MNAT1: variants seen among roughly 807,000 people sequenced by gnomAD.
MNAT1 encodes the protein CDK-activating kinase assembly factor MAT1.
Under a neutral mutation model 42.0 loss-of-function variants are expected in MNAT1, and 43 were observed. The ratio of observed to expected loss-of-function variants is 1.02; its 90% CI spans 0.80 to 1.32. The LOEUF is 1.32. MNAT1 is among the 40% of genes most tolerant of loss of function. The pLI is 0.00. For missense variants in MNAT1, 306 were observed against 350.4 expected (o/e 0.87, Z 1.01); for synonymous variants, 118 against 120.0 (o/e 0.98, Z 0.11).
chr14:60,858,401 T>C (rs1452127338), intron 6 of MNAT1, among the ~76,000 whole-genome samples: 1 of 151,900 alleles, frequency 6.6e-6, no homozygotes, highest in Non-Finnish European at 1.5e-5. Context: ...TCTTATCCTT[T>C]GCCCACTTTT....
At chr14:60,760,934 G>A (rs971628968) in intron 1 of MNAT1, among the ~76,000 whole-genome samples, 2 of 152,268 alleles carry the variant, frequency 1.3e-5, no homozygotes, top group South Asian at 2.1e-4. Context: ...AGCAGCTTTA[G>A]CAAAGTCTCC....
chr14:60,773,710 C>T (rs1192253983), intron 1 of MNAT1, among the ~76,000 whole-genome samples: 2 of 152,112 alleles, frequency 1.3e-5, no homozygotes, highest in Non-Finnish European at 2.9e-5. Context: ...GCTGATTCCA[C>T]TTGTCTCTTA....
chr14:60,969,560 C>T lies in MNAT1; in HGVS notation c.*1211C>T, dbSNP rs1249869398. Reference sequence around the variant, plus strand: ...ATTGAGTAGACAAAGATCATATTCACAAGTTAGTAAAAAGCCAGAATTAGA... The same window carrying T: ...ATTGAGTAGACAAAGATCATATTCATAAGTTAGTAAAAAGCCAGAATTAGA... On this transcript the variant is annotated 3_prime_UTR_variant, in exon 8 of 8. Transcript: ENST00000261245. The T allele has an allele frequency of 6.6e-6, 1 of 151,942 alleles. No homozygotes were observed. Among genetic ancestry groups the T allele is most frequent in the Non-Finnish European group, 1.5e-5 (1 of 67,954 alleles). The allele number at this position is 151,942 out of a possible 1,614,324, so 9.4% of individuals were successfully genotyped here. A position where few individuals can be genotyped will look rare whatever the true frequency, so the allele number is the denominator to read the frequency against.
chr14:60,873,025 C>T (rs1022204133), intron 6 of MNAT1, among the ~76,000 whole-genome samples: 1 of 152,122 alleles, frequency 6.6e-6, no homozygotes, highest in African/African-American at 2.4e-5. Flanking sequence ...TCACACCGAA[C>T]AATTAACAGA....
chr14:60,796,510 G>T, intron 2 of MNAT1, 141 bp downstream of exon 2: 2 of 715,694 alleles, frequency 2.8e-6, no homozygotes, highest in Non-Finnish European at 2.2e-6. Context: ...AGAGAACTGA[G>T]TAATATTATT....
chr14:60,755,187 A>G (rs1447302698), intron 1 of MNAT1, among the ~76,000 whole-genome samples: 1 of 151,662 alleles, frequency 6.6e-6, no homozygotes, highest in Non-Finnish European at 1.5e-5. Context: ...TTAGTTGCCC[A>G]GGCTGGAATG....
At chr14:60,849,696 G>GTA (rs1380263298) in intron 6 of MNAT1, among the ~76,000 whole-genome samples, 3 of 152,112 alleles carry the variant, frequency 2.0e-5, no homozygotes, top group Admixed American at 1.3e-4. Flanking sequence ...CAGAGTGAGA[G>GTA]TATATGGCTG....
chr14:60,808,433 G>A lies in MNAT1; in HGVS notation c.420+5G>A, dbSNP rs776183259. Reference sequence around the variant, plus strand: ...CAGAAAAATAAATTAAAGCTGGTCGGTTGCTAAGTATTTTCTTCTTATTTT... The same window carrying A: ...CAGAAAAATAAATTAAAGCTGGTCGATTGCTAAGTATTTTCTTCTTATTTT... On this transcript the variant is annotated splice_donor_5th_base_variant and intron_variant, in intron 4 of 7. Coordinates refer to ENST00000261245, the MANE Select transcript of MNAT1 (RefSeq NM_002431.4). 6.8e-7 allele frequency: 1 copy of A among 1,473,594 alleles called. No individual in the cohort carries two copies. Among genetic ancestry groups the A allele is most frequent in the Non-Finnish European group, 9.2e-7 (1 of 1,083,394 alleles). 91.3% of individuals were successfully genotyped at this position (1,473,594 alleles called of 1,614,324 possible). A position where few individuals can be genotyped will look rare whatever the true frequency, so the allele number is the denominator to read the frequency against.
chr14:60,916,137 A>G (rs774036847), intron 7 of MNAT1, among the ~76,000 whole-genome samples: 1 of 152,182 alleles, frequency 6.6e-6, no homozygotes, highest in Non-Finnish European at 1.5e-5. Flanking sequence ...TGTTGGCTCT[A>G]TCACTTCCAT....
At chr14:60,855,631 G>A (rs1258832204) in intron 6 of MNAT1, among the ~76,000 whole-genome samples, 1 of 152,116 alleles carries the variant, frequency 6.6e-6, no homozygotes, top group African/African-American at 2.4e-5. Context: ...CCATGGGTTG[G>A]ACCCACTGCC....
intron 6 of MNAT1, among the ~76,000 whole-genome samples, chr14:60,843,935 C>T (rs1484999634): frequency 2.0e-5 from 3 of 152,122 alleles, no homozygotes; most frequent in African/African-American, 7.2e-5. Context: ...AGTTGGGTTC[C>T]TGATCCATCT....
At chr14:60,872,523 C>CT (rs1387262819) in intron 6 of MNAT1, among the ~76,000 whole-genome samples, 1 of 151,850 alleles carries the variant, frequency 6.6e-6, no homozygotes, top group African/African-American at 2.4e-5. Flanking sequence ...AATTATTATT[C>CT]TTTTTTCTCT....
At chr14:60,826,672 C>A (rs2033066638) in intron 6 of MNAT1, among the ~76,000 whole-genome samples, 1 of 152,122 alleles carries the variant, frequency 6.6e-6, no homozygotes, top group South Asian at 2.1e-4. Context: ...AGCTTTTGAA[C>A]TCTTAAAGTG....
intron 6 of MNAT1, among the ~76,000 whole-genome samples, chr14:60,821,850 T>C (rs1056244482): frequency 1.3e-5 from 2 of 152,228 alleles, no homozygotes; most frequent in Non-Finnish European, 2.9e-5. Flanking sequence ...TCAAAAAATT[T>C]TTTTGAATAA....
chr14:60,753,374 A>G (rs545711892), intron 1 of MNAT1, among the ~76,000 whole-genome samples: 74 of 152,362 alleles, frequency 4.9e-4, no homozygotes, highest in African/African-American at 1.5e-3. Context: ...TATTCACAGT[A>G]TGCAAAACCC....
At chr14:60,911,801 A>C (rs1422966173) in intron 7 of MNAT1, among the ~76,000 whole-genome samples, 1 of 152,014 alleles carries the variant, frequency 6.6e-6, no homozygotes, top group Non-Finnish European at 1.5e-5. Context: ...TATTCTGGTG[A>C]TTTGGGGTGG....
intron 7 of MNAT1, among the ~76,000 whole-genome samples, chr14:60,902,742 A>G (rs2035097046): frequency 6.6e-6 from 1 of 151,954 alleles, no homozygotes; most frequent in African/African-American, 2.4e-5. Flanking sequence ...TATATCACAC[A>G]TTTCTTGGAA....
intron 7 of MNAT1, among the ~76,000 whole-genome samples, chr14:60,966,521 A>G (rs2036686012): frequency 6.6e-6 from 1 of 151,108 alleles, no homozygotes; most frequent in Admixed American, 6.6e-5. Context: ...TTCATTCATT[A>G]ATTTATTTAG....
At chr14:60,909,620 G>T (rs995044415) in intron 7 of MNAT1, among the ~76,000 whole-genome samples, 4 of 152,110 alleles carry the variant, frequency 2.6e-5, no homozygotes, top group African/African-American at 9.7e-5. Context: ...GTTTGTCAAA[G>T]ATCAGATAGT....
Sources: allele counts gnomAD v4.1 joint callset (sites outside exome capture counted in the v4.1 genomes callset), GRCh38; gene constraint gnomAD v4.1.1; transcripts MANE v1.5; gene names NCBI Gene and HGNC (gene_info 2026-07-23, HGNC 2026-07-21).